Variants in CNIH3 observed in about 807,000 individuals in gnomAD.
CNIH3 encodes protein cornichon homolog 3.
CNIH3 carries 14 observed loss-of-function variants against 24.1 expected under a neutral mutation model. That is an observed-to-expected ratio of 0.58 (90% CI 0.38 to 0.91). The LOEUF is 0.91. CNIH3 is among the 40% of genes least tolerant of loss of function. The pLI is 0.00. For missense variants in CNIH3, 178 were observed against 196.8 expected (o/e 0.90, Z 0.57); for synonymous variants, 68 against 73.8 (o/e 0.92, Z 0.40).
chr1:224,632,484 G>C (rs1192597512), intron 1 of CNIH3, among the ~76,000 whole-genome samples: 1 of 152,096 alleles, frequency 6.6e-6, no homozygotes, highest in Non-Finnish European at 1.5e-5. Context: ...GCATGCCTTT[G>C]GGTGTAGCTT....
At chr1:224,671,478 A>G (rs1685863037) in intron 1 of CNIH3, among the ~76,000 whole-genome samples, 1 of 152,188 alleles carries the variant, frequency 6.6e-6, no homozygotes, top group African/African-American at 2.4e-5. Context: ...CCCCTTACAG[A>G]AGAGGGTGAG....
At position 224,596,880 on chromosome 1, in the gene CNIH3, T is replaced by C. The variant is rs188098314; in HGVS notation, n.402+30616T>C. On this transcript the variant is annotated intron_variant and non_coding_transcript_variant, in intron 3 of 7. Coordinates refer to the CNIH3 transcript ENST00000478120. ...CAAAAAACAGAATCTTGGCCGGGTGTGGTGGCTCACACCTGTAATCCCAGC... is the reference window on the plus strand; with the variant it reads ...CAAAAAACAGAATCTTGGCCGGGTGCGGTGGCTCACACCTGTAATCCCAGC... Among the ~76,000 whole-genome samples, 4 of 152,134 alleles carry C rather than the reference T, an allele frequency of 2.6e-5. No individual in the cohort carries two copies. The East Asian group carries it at 7.7e-4, about 29-fold the overall frequency.
chr1:224,681,026 G>T lies in CNIH3; in HGVS notation c.150G>T (p.Ala50=). ...SPIDQCNPVH[A]RERLRNIERI... Reference sequence around the variant, plus strand: ...TAGACCAGTGCAATCCTGTTCATGCGGTAAGTGGCGGGTACTGGTGAGGGG... The same window carrying T: ...TAGACCAGTGCAATCCTGTTCATGCTGTAAGTGGCGGGTACTGGTGAGGGG... The change falls in exon 2 of 6, where the codon GCG becomes GCT. Residue 50 remains alanine, a splice_region_variant and synonymous_variant. Coordinates refer to ENST00000272133, the MANE Select transcript of CNIH3 (RefSeq NM_152495.2). The T allele has an allele frequency of 6.2e-7, 1 of 1,613,790 alleles. No individual in the cohort carries two copies. The highest frequency in any genetic ancestry group is 8.5e-7 in the Non-Finnish European group (1 of 1,179,680).
At chr1:224,705,492 C>A (rs973124675) in intron 3 of CNIH3, among the ~76,000 whole-genome samples, 2 of 152,242 alleles carry the variant, frequency 1.3e-5, no homozygotes, top group African/African-American at 4.8e-5. Flanking sequence ...CTGATCAATA[C>A]CTTTTCTGGT....
chr1:224,694,409 G>A (rs1483022183), intron 3 of CNIH3, among the ~76,000 whole-genome samples: 1 of 152,148 alleles, frequency 6.6e-6, no homozygotes, highest in African/African-American at 2.4e-5. Flanking sequence ...CCCTAAACCT[G>A]GCTGTTCCTC....
chr1:224,705,095 A>G lies in CNIH3; in HGVS notation c.198+20252A>G, dbSNP rs1687708758. Among the ~76,000 whole-genome samples the G allele has an allele frequency of 2.0e-5, 3 of 152,218 alleles. No homozygotes were observed. In the South Asian group the frequency reaches 6.2e-4, roughly 32 times the overall value. ...ATCACACCACTGCACTCCAGCCTGG[A>G]CAAGAGCGAGACTCCCTCTCAAAAA... On this transcript the variant is annotated intron_variant, in intron 3 of 5. Transcript: ENST00000272133.
At chr1:224,677,787 T>C (rs1458463998) in intron 1 of CNIH3, among the ~76,000 whole-genome samples, 1 of 152,058 alleles carries the variant, frequency 6.6e-6, no homozygotes, top group African/African-American at 2.4e-5. Flanking sequence ...AGGACTGGGG[T>C]TGGGGATTGT....
At chr1:224,555,806 G>T (rs1052723223) in intron 3 of CNIH3, among the ~76,000 whole-genome samples, 19 of 151,854 alleles carry the variant, frequency 1.3e-4, no homozygotes, top group Non-Finnish European at 1.0e-4. Flanking sequence ...CCTTTCCCTT[G>T]CCCTTGACTG....
At chr1:224,486,479 G>A (rs1481259395) in intron 1 of CNIH3, among the ~76,000 whole-genome samples, 1 of 152,042 alleles carries the variant, frequency 6.6e-6, no homozygotes, top group Non-Finnish European at 1.5e-5. Flanking sequence ...GATGATTTGG[G>A]CCATATTTCA....
At chr1:224,709,004 G>A (rs184428362) in intron 3 of CNIH3, among the ~76,000 whole-genome samples, 9 of 152,184 alleles carry the variant, frequency 5.9e-5, no homozygotes, top group African/African-American at 1.9e-4. Flanking sequence ...TAGTGGATTC[G>A]TATTCTTCAG....
At chr1:224,738,577 A>G (rs927086163) in intron 5 of CNIH3, among the ~76,000 whole-genome samples, 1 of 152,144 alleles carries the variant, frequency 6.6e-6, no homozygotes, top group Non-Finnish European at 1.5e-5. Context: ...TTTTCTCACT[A>G]TAATGTGAAA....
chr1:224,499,624 A>G (rs1433463877), intron 1 of CNIH3, among the ~76,000 whole-genome samples: 2 of 152,362 alleles, frequency 1.3e-5, no homozygotes, highest in Non-Finnish European at 1.5e-5. Flanking sequence ...AAAGCCTTTC[A>G]TGATTTAACC....
intron 4 of CNIH3, among the ~76,000 whole-genome samples, chr1:224,733,162 A>G (rs979682021): frequency 6.6e-6 from 1 of 152,182 alleles, no homozygotes; most frequent in African/African-American, 2.4e-5. Context: ...GGTTATTTGC[A>G]TACATCGCCT....
chr1:224,704,962 T>C lies in CNIH3; in HGVS notation c.198+20119T>C, dbSNP rs185948324. ...CCGTCTCTAGTAAAAAATACAAAAATTAGCTGGGCATGGTGGCAGACTACA... is the reference window on the plus strand; with the variant it reads ...CCGTCTCTAGTAAAAAATACAAAAACTAGCTGGGCATGGTGGCAGACTACA... On this transcript the variant is annotated intron_variant, in intron 3 of 5. Transcript: ENST00000272133. This position sits in a 1 kb window ranked among gnomAD's most constrained non-coding sequence, Gnocchi z 4.2. Among the ~76,000 whole-genome samples, 18 of 151,938 alleles carry C rather than the reference T, an allele frequency of 1.2e-4. No individual in the cohort carries two copies. In the East Asian group the frequency reaches 3.3e-3, roughly 28 times the overall value.
downstream of CNIH3, among the ~76,000 whole-genome samples, chr1:224,591,654 C>G (rs953683507): frequency 6.6e-6 from 1 of 152,148 alleles, no homozygotes. Flanking sequence ...CATTTTTATT[C>G]TCAGAGGCTC....
intron 1 of CNIH3, among the ~76,000 whole-genome samples, chr1:224,506,141 G>A (rs556913777): frequency 2.8e-4 from 43 of 152,198 alleles, no homozygotes; most frequent in African/African-American, 1.0e-3. Flanking sequence ...GAATCTCTGA[G>A]GAATGAAATT....
rs556506370 is a variant in CNIH3, at chr1:224,630,211, T to C, written c.81+12956T>C. ...TTTGTTATTGTTCATTAAAACCTTA[T>C]TTGCATTTCTGCTCTCAGATCAGTG... is the stretch of plus-strand genomic sequence containing the variant. On this transcript the variant is annotated intron_variant, in intron 1 of 5. Transcript: ENST00000272133. Among the ~76,000 whole-genome samples, 8 of 152,288 alleles carry C rather than the reference T, an allele frequency of 5.3e-5. No homozygotes were observed. The South Asian group carries it at 1.5e-3, about 28-fold the overall frequency.
At chr1:224,536,768 A>G (rs1301385042) in intron 2 of CNIH3, among the ~76,000 whole-genome samples, 1 of 152,210 alleles carries the variant, frequency 6.6e-6, no homozygotes, top group Non-Finnish European at 1.5e-5. Flanking sequence ...AGTTAGAAAG[A>G]AAGAATCATA....
At chr1:224,649,328 G>T (rs1684759918) in intron 1 of CNIH3, among the ~76,000 whole-genome samples, 1 of 152,148 alleles carries the variant, frequency 6.6e-6, no homozygotes, top group Non-Finnish European at 1.5e-5. Context: ...AAAAGGCAAG[G>T]AAATGGCTTC....
Sources: allele counts gnomAD v4.1 joint callset (sites outside exome capture counted in the v4.1 genomes callset), GRCh38; gene constraint gnomAD v4.1.1; non-coding constraint Gnocchi (gnomAD v3.1); transcripts MANE v1.5; gene names NCBI Gene and HGNC (gene_info 2026-07-23, HGNC 2026-07-21).